NPTN: variants seen among roughly 807,000 people sequenced by gnomAD.
NPTN encodes the protein neuroplastin, also known as SDR-1.
In NPTN, 5 loss-of-function variants were observed where a neutral mutation model predicts 42.7. The observed-to-expected ratio is 0.12, with a 90% CI of 0.06 to 0.25. The LOEUF (loss-of-function observed/expected upper bound fraction) is 0.25, where lower values mean the gene tolerates loss of function less well. Among genes scored for constraint, NPTN ranks in the 10% least tolerant of loss-of-function variants. The pLI is 1.00. For missense variants in NPTN, 307 were observed against 525.4 expected (o/e 0.58, Z 4.06); for synonymous variants, 180 against 201.9 (o/e 0.89, Z 0.92).
intron 5 of NPTN, among the ~76,000 whole-genome samples, chr15:73,572,873 G>A (rs1230635617): frequency 6.6e-6 from 1 of 152,112 alleles, no homozygotes; most frequent in Non-Finnish European, 1.5e-5. Flanking sequence ...TTGGAGGAGG[G>A]GCCTTGTGGG....
At position 73,584,621 on chromosome 15, in the gene NPTN, G is replaced by A. The variant is rs544252246; in HGVS notation, c.706+2903C>T. Among the ~76,000 whole-genome samples, 4 of 152,028 alleles carry A rather than the reference G, an allele frequency of 2.6e-5. No homozygotes were observed. In the South Asian group the frequency reaches 8.3e-4, roughly 32 times the overall value. The stretch of plus-strand genomic sequence containing the variant: ...GAGGTGGGGCTTTGGGCTCCATAAG[G>A]CCTCATCACTGCTGTCTTCCCTCTC... On this transcript the variant is annotated intron_variant, in intron 4 of 8. Transcript: ENST00000345330.
At chr15:73,605,913 T>C (rs959487767) in intron 1 of NPTN, among the ~76,000 whole-genome samples, 1 of 152,018 alleles carries the variant, frequency 6.6e-6, no homozygotes, top group East Asian at 1.9e-4. Context: ...GAAAATACTA[T>C]GGCCATCATG....
intron 1 of NPTN, among the ~76,000 whole-genome samples, chr15:73,606,149 T>A (rs1264385803): frequency 6.6e-6 from 1 of 152,234 alleles, no homozygotes; most frequent in Non-Finnish European, 1.5e-5. Flanking sequence ...TGCTGGAGAC[T>A]AACAATGTTT....
rs1266536675 is a variant in NPTN, at chr15:73,569,385, G to A, written c.1114+765C>T. The A allele has an allele frequency of 5.8e-5, 57 of 985,500 alleles. No homozygotes were observed. The highest frequency in any genetic ancestry group is 6.6e-5 in the Non-Finnish European group (55 of 830,078). 61.0% of individuals were successfully genotyped at this position (985,500 alleles called of 1,614,324 possible). ...CAGCTCTTGCTCTTTCCAGTGCTCAGTGGTGTGCTGTGGTTCTGCTGCTAC... is the reference window on the plus strand; with the variant it reads ...CAGCTCTTGCTCTTTCCAGTGCTCAATGGTGTGCTGTGGTTCTGCTGCTAC... On this transcript the variant is annotated intron_variant, in intron 6 of 8. Coordinates refer to ENST00000345330, the MANE Select transcript of NPTN (RefSeq NM_012428.4). This position sits in a 1 kb window ranked among gnomAD's most constrained non-coding sequence, Gnocchi z 4.1.
At chr15:73,621,951 T>G (rs1898155364) in intron 1 of NPTN, among the ~76,000 whole-genome samples, 1 of 152,118 alleles carries the variant, frequency 6.6e-6, no homozygotes. Context: ...TTACAATGAA[T>G]TACTGATAAA....
chr15:73,604,248 G>A (rs1460228261), intron 1 of NPTN, among the ~76,000 whole-genome samples: 2 of 152,132 alleles, frequency 1.3e-5, no homozygotes, highest in African/African-American at 2.4e-5. Flanking sequence ...CTGATCGCTC[G>A]AGTCCAAGAG....
chr15:73,619,293 G>C (rs991008777), intron 1 of NPTN, among the ~76,000 whole-genome samples: 1 of 152,070 alleles, frequency 6.6e-6, no homozygotes, highest in Non-Finnish European at 1.5e-5. Context: ...CTGAAAACAA[G>C]ATGTACAGCA....
At chr15:73,587,372 G>A in intron 4 of NPTN, 152 bp downstream of exon 4, 1 of 581,490 alleles carries the variant, frequency 1.7e-6, no homozygotes, top group Non-Finnish European at 3.1e-6. Flanking sequence ...TTAAACCCAG[G>A]CAGCCACGAT....
intron 1 of NPTN, among the ~76,000 whole-genome samples, chr15:73,610,738 T>A (rs569140485): frequency 3.3e-4 from 51 of 152,336 alleles, no homozygotes; most frequent in Non-Finnish European, 5.9e-4. Flanking sequence ...AATATTACAA[T>A]GTTTATGCCC....
intron 4 of NPTN, among the ~76,000 whole-genome samples, chr15:73,580,227 C>T (rs1380664227): frequency 1.3e-5 from 2 of 150,978 alleles, no homozygotes; most frequent in Non-Finnish European, 2.9e-5. Context: ...AAATATACAA[C>T]ATGCGAGGAG....
At chr15:73,619,450 C>A (rs900976743) in intron 1 of NPTN, among the ~76,000 whole-genome samples, 1 of 152,140 alleles carries the variant, frequency 6.6e-6, no homozygotes, top group African/African-American at 2.4e-5. Context: ...CAACAACTAC[C>A]AAAACATGTC....
chr15:73,626,044 G>C lies in NPTN; in HGVS notation c.91+7081C>G, dbSNP rs984836274. On this transcript the variant is annotated intron_variant, in intron 1 of 8. Transcript: ENST00000345330. ...GTTGCCTTCTTCGACTATAATGGACGGATTTCCAGGTCTTAAAAAATGCAT... is the reference window on the plus strand; with the variant it reads ...GTTGCCTTCTTCGACTATAATGGACCGATTTCCAGGTCTTAAAAAATGCAT... Among the ~76,000 whole-genome samples, 4 of 152,196 alleles carry C rather than the reference G, an allele frequency of 2.6e-5. No individual in the cohort carries two copies. In the South Asian group the frequency reaches 6.2e-4, roughly 24 times the overall value.
intron 6 of NPTN, among the ~76,000 whole-genome samples, chr15:73,564,814 T>C (rs1478389064): frequency 6.6e-6 from 1 of 152,174 alleles, no homozygotes; most frequent in African/African-American, 2.4e-5. Context: ...GGAGCAAACT[T>C]GGAATACTTT....
At chr15:73,573,529 C>G in intron 5 of NPTN, 133 bp downstream of exon 5, 1 of 980,406 alleles carries the variant, frequency 1.0e-6, no homozygotes, top group Non-Finnish European at 1.5e-6. Context: ...TGCTGTAAAC[C>G]GTGACTCTAG....
chr15:73,571,021 C>G (rs1270877103), intron 5 of NPTN, among the ~76,000 whole-genome samples: 1 of 152,216 alleles, frequency 6.6e-6, no homozygotes, highest in Non-Finnish European at 1.5e-5. Context: ...AGGCTCATGC[C>G]TGTAATCTCA....
At position 73,569,338 on chromosome 15, in the gene NPTN, C is replaced by A; in HGVS notation, c.1114+812G>T. On this transcript the variant is annotated intron_variant, in intron 6 of 8. Coordinates refer to ENST00000345330, the MANE Select transcript of NPTN (RefSeq NM_012428.4). The surrounding 1 kb of genome is among the most constrained non-coding windows in gnomAD (Gnocchi z 4.1). ...TTCCCAAGGCTTTTCTGACTCTAGG[C>A]ATATCCAATAACCTAAGATTTCAGC... 1 of 985,588 alleles carries A rather than the reference C, an allele frequency of 1.0e-6. No individual in the cohort carries two copies. The highest frequency in any genetic ancestry group is 1.2e-6 in the Non-Finnish European group (1 of 830,048). 61.1% of individuals were successfully genotyped at this position (985,588 alleles called of 1,614,324 possible).
At chr15:73,631,062 C>G (rs546074151) in intron 1 of NPTN, among the ~76,000 whole-genome samples, 3 of 152,190 alleles carry the variant, frequency 2.0e-5, no homozygotes, top group Non-Finnish European at 2.9e-5. Context: ...GAACACATAT[C>G]ACTGAGCAGA....
At chr15:73,633,050 C>T in intron 1 of NPTN, 75 bp downstream of exon 1, 1 of 1,083,976 alleles carries the variant, frequency 9.2e-7, no homozygotes, top group Non-Finnish European at 1.2e-6. Context: ...AGCGTCTCCT[C>T]AGGCCAGAGC....
intron 1 of NPTN, among the ~76,000 whole-genome samples, chr15:73,609,429 G>C (rs1897454004): frequency 6.6e-6 from 1 of 152,150 alleles, no homozygotes; most frequent in Non-Finnish European, 1.5e-5. Context: ...TGGAGTTCAA[G>C]AGCAGCCTGG....
Sources: gnomAD v4.1 joint callset for allele counts (sites outside exome capture counted in the v4.1 genomes callset) on GRCh38, gnomAD v4.1.1 for gene constraint, Gnocchi (gnomAD v3.1) non-coding constraint, MANE v1.5 for transcripts, NCBI Gene and HGNC (gene_info 2026-07-23, HGNC 2026-07-21) for gene names.